Variants in PPM1K observed in about 807,000 individuals in gnomAD.
The protein encoded by PPM1K is protein phosphatase Mn(2+)-dependent 1K.
PPM1K carries 19 observed loss-of-function variants against 32.6 expected under a neutral mutation model. That is an observed-to-expected ratio of 0.58 (90% confidence interval 0.41 to 0.86). The LOEUF (loss-of-function observed/expected upper bound fraction) is 0.86. Ranked by LOEUF, PPM1K falls within the 40% of genes least tolerant of loss-of-function variation. The pLI is 0.00. For missense variants in PPM1K, 362 were observed against 461.2 expected, an observed-to-expected ratio of 0.78 and a Z score of 1.97; for synonymous variants, 159 against 165.3, an observed-to-expected ratio of 0.96 and a Z score of 0.29.
At chr4:88,283,952 G>C (rs1470590889) in intron 1 of PPM1K, 1 of 152,292 alleles carries the variant, frequency 6.6e-6, no homozygotes, top group Non-Finnish European at 1.5e-5. Context: ...TGGGCGTACC[G>C]AGCCCGTTGT....
chr4:88,266,314 A>G (rs1374286060), intron 5 of PPM1K, among the ~76,000 whole-genome samples: 1 of 152,324 alleles, frequency 6.6e-6, no homozygotes. Flanking sequence ...ATGCCACAGA[A>G]GTAGAGGTGG....
rs905896116 is a variant in PPM1K, at chr4:88,275,697, G to A, written c.541+1446C>T. 5.1e-6 allele frequency: 5 copies of A among 985,252 alleles called. No individual in the cohort carries two copies. In the African/African-American group the frequency reaches 8.7e-5, roughly 17 times the overall value. 61.0% of individuals were successfully genotyped at this position (985,252 alleles called of 1,614,324 possible). A position where few individuals can be genotyped will look rare whatever the true frequency, so the allele number is the denominator to read the frequency against. ...CTACAGTCAACAAACATTGTGGTGTGAGACATAGCCAGATGCACAGCCAAC... is the reference window on the plus strand; with the variant it reads ...CTACAGTCAACAAACATTGTGGTGTAAGACATAGCCAGATGCACAGCCAAC... On this transcript the variant is annotated intron_variant, in intron 3 of 6. Coordinates refer to ENST00000608933, the MANE Select transcript of PPM1K (RefSeq NM_152542.5).
chr4:88,277,096 A>C, intron 3 of PPM1K, 47 bp downstream of exon 3: 1 of 1,408,266 alleles, frequency 7.1e-7, no homozygotes, highest in Non-Finnish European at 1.0e-6. Flanking sequence ...CTCCTCCCCC[A>C]CCCCATGTAC....
Position 88,283,749 on chromosome 4 carries a change from G to C in PPM1K, c.-60+657C>G, listed in dbSNP as rs563742327. The C allele has an allele frequency of 4.6e-5, 7 of 152,570 alleles. No homozygotes were observed. In the East Asian group the frequency reaches 1.4e-3, roughly 29 times the overall value. 9.5% of individuals were successfully genotyped at this position (152,570 alleles called of 1,614,324 possible). A position where few individuals can be genotyped will look rare whatever the true frequency, so the allele number is the denominator to read the frequency against. On this transcript the variant is annotated intron_variant, in intron 1 of 6. Coordinates refer to ENST00000608933, the MANE Select transcript of PPM1K (RefSeq NM_152542.5). ...CCAGCCGGGGCTGTGCATCCTTCACGATGCCGGACCTCCTGAAAAGCTCAC... is the reference window on the plus strand; with the variant it reads ...CCAGCCGGGGCTGTGCATCCTTCACCATGCCGGACCTCCTGAAAAGCTCAC...
chr4:88,275,596 T>C, intron 3 of PPM1K: 3 of 985,416 alleles, frequency 3.0e-6, no homozygotes, highest in Non-Finnish European at 3.6e-6. Flanking sequence ...CTGGGATAAA[T>C]TTGGACATTC....
chr4:88,268,686 T>G, intron 4 of PPM1K, 55 bp downstream of exon 4: 1 of 1,527,342 alleles, frequency 6.5e-7, no homozygotes, highest in East Asian at 2.2e-5. Context: ...AAAACTATTA[T>G]GAACTAAAAA....
chr4:88,268,392 G>A, intron 4 of PPM1K, 58 bp from the exon 5 acceptor site: 10 of 1,589,386 alleles, frequency 6.3e-6, no homozygotes, highest in Non-Finnish European at 8.6e-6. Context: ...GGAGGCCAAG[G>A]AGGGCAGATC....
At chr4:88,265,342 G>A (rs1433894854) in intron 5 of PPM1K, among the ~76,000 whole-genome samples, 1 of 152,232 alleles carries the variant, frequency 6.6e-6, no homozygotes, top group Non-Finnish European at 1.5e-5. Context: ...CCTGGTAGGA[G>A]GTAACTGAAT....
chr4:88,276,417 TG>T, intron 3 of PPM1K: 2 of 985,456 alleles, frequency 2.0e-6, no homozygotes, highest in Non-Finnish European at 2.4e-6. Context: ...GCAAAAGATT[TG>T]GGACTAGCTA....
intron 1 of PPM1K, among the ~76,000 whole-genome samples, chr4:88,281,619 A>G (rs1732010856): frequency 1.5e-5 from 2 of 136,526 alleles, no homozygotes; most frequent in Admixed American, 1.6e-4. Flanking sequence ...ATGAAATGTG[A>G]CCCAGATATA....
Position 88,278,704 on chromosome 4 carries a change from G to C in PPM1K, c.-59-62C>G. 1 of 696,628 alleles carries C rather than the reference G, an allele frequency of 1.4e-6. No individual in the cohort carries two copies. The allele number at this position is 696,628 out of a possible 1,614,324, so 43.2% of individuals were successfully genotyped here. ...GGAGAGAGGGGCAGAGGAGGAGAGG[G>C]AGAGAGACAGAGAGAGAGAGACCAT... On this transcript the variant is annotated intron_variant, in intron 1 of 6. Transcript: ENST00000608933. The surrounding 1 kb of genome is among the most constrained non-coding windows in gnomAD (Gnocchi z 4.2).
intron 3 of PPM1K, among the ~76,000 whole-genome samples, chr4:88,272,072 A>C (rs1033806463): frequency 1.3e-5 from 2 of 152,246 alleles, no homozygotes; most frequent in Admixed American, 1.3e-4. Context: ...TTCAAAGTAT[A>C]ATGACCCCTA....
chr4:88,268,488 G>T (rs2110159343), intron 4 of PPM1K, among the ~76,000 whole-genome samples, 154 bp from the exon 5 acceptor site: 1 of 152,264 alleles, frequency 6.6e-6, no homozygotes. Flanking sequence ...GAGCGTGTTG[G>T]CAGGCGCCTG....
At chr4:88,265,355 TGGCGGTGGGTCTTTCC>T (rs1178841311) in intron 5 of PPM1K, among the ~76,000 whole-genome samples, 1 of 152,334 alleles carries the variant, frequency 6.6e-6, no homozygotes, top group South Asian at 2.1e-4. Context: ...AACTGAATCA[TGGCGGTGGGTCTTTCC>T]CATGCCGTTT....
At chr4:88,271,970 GCTCT>G (rs943056190) in intron 3 of PPM1K, among the ~76,000 whole-genome samples, 1 of 152,150 alleles carries the variant, frequency 6.6e-6, no homozygotes, top group Non-Finnish European at 1.5e-5. Flanking sequence ...TATTTCTGCA[GCTCT>G]CTCTTTCCCC....
Position 88,259,581 on chromosome 4 carries a change from T to C in PPM1K, c.*3014A>G, listed in dbSNP as rs1325417567. On this transcript the variant is annotated 3_prime_UTR_variant, in exon 7 of 7. Transcript: ENST00000608933. ...ACTGAAAAACTAGAGCAGTCCCTTTTTTTTTACTATGATTTGCATATTTTC... is the reference window on the plus strand; with the variant it reads ...ACTGAAAAACTAGAGCAGTCCCTTTCTTTTTACTATGATTTGCATATTTTC... 1 of 152,238 alleles carries C rather than the reference T, an allele frequency of 6.6e-6. No homozygotes were observed. Among genetic ancestry groups the C allele is most frequent in the Non-Finnish European group, 1.5e-5 (1 of 68,044 alleles). The allele number at this position is 152,238 out of a possible 1,614,324, so 9.4% of individuals were successfully genotyped here.
intron 1 of PPM1K, among the ~76,000 whole-genome samples, chr4:88,282,046 T>C (rs1732035168): frequency 6.6e-6 from 1 of 152,192 alleles, no homozygotes. Flanking sequence ...GGATTGTCTT[T>C]TGTCAGTTCA....
intron 4 of PPM1K, 115 bp from the exon 5 acceptor site, chr4:88,268,449 C>T (rs950105937): frequency 7.2e-5 from 89 of 1,241,144 alleles, no homozygotes; most frequent in African/African-American, 2.0e-4. Flanking sequence ...GGTGAAACCC[C>T]GTCTCTACTA....
chr4:88,267,058 T>G (rs903204968), intron 5 of PPM1K, among the ~76,000 whole-genome samples: 1 of 138,080 alleles, frequency 7.2e-6, no homozygotes, highest in Non-Finnish European at 1.5e-5. Flanking sequence ...ATGCAGGTGA[T>G]GCTGATTGGG....
Sources: gnomAD v4.1 joint callset for allele counts (sites outside exome capture counted in the v4.1 genomes callset) on GRCh38, gnomAD v4.1.1 for gene constraint, Gnocchi (gnomAD v3.1) non-coding constraint, MANE v1.5 for transcripts, NCBI Gene and HGNC (gene_info 2026-07-23, HGNC 2026-07-21) for gene names.